The following CHCHD3 variants were observed in gnomAD, a reference collection of about 807,000 sequenced individuals.
The protein encoded by CHCHD3 is MICOS complex subunit MIC19.
CHCHD3 carries 20 observed loss-of-function variants against 38.2 expected under a neutral mutation model. The observed-to-expected ratio is 0.52, with a 90% CI of 0.37 to 0.76. CHCHD3 has a LOEUF of 0.76. CHCHD3 is among the 30% of genes least tolerant of loss of function. The pLI is 0.00. For synonymous variants in CHCHD3, 82 were observed against 100.0 expected (o/e 0.82, Z 1.07); for missense variants, 245 against 279.2 (o/e 0.88, Z 0.87).
chr7:132,940,593 T>A (rs965491509), intron 4 of CHCHD3, among the ~76,000 whole-genome samples: 1 of 152,220 alleles, frequency 6.6e-6, no homozygotes, highest in Non-Finnish European at 1.5e-5. Context: ...TGAAGCACTT[T>A]AATATAGTTT....
intron 5 of CHCHD3, among the ~76,000 whole-genome samples, chr7:132,883,810 T>C (rs948392090): frequency 6.6e-6 from 1 of 152,176 alleles, no homozygotes; most frequent in African/African-American, 2.4e-5. Flanking sequence ...TCAACATCTC[T>C]ACTTCAATGT....
intron 2 of CHCHD3, among the ~76,000 whole-genome samples, chr7:133,032,879 C>T (rs55850409): frequency 0.39 from 58,401 of 151,462 alleles, 11,376 homozygotes; most frequent in East Asian, 0.54. Context: ...TTTTTTGTTT[C>T]AAAAATGATT....
intron 4 of CHCHD3, among the ~76,000 whole-genome samples, chr7:132,956,195 T>C (rs117765359): frequency 0.011 from 1,605 of 152,338 alleles, 12 homozygotes; most frequent in South Asian, 0.066. Flanking sequence ...CCTGTTGGCC[T>C]GCCCTGAAGA....
At chr7:132,885,133 T>C (rs958523714) in intron 5 of CHCHD3, among the ~76,000 whole-genome samples, 15 of 152,254 alleles carry the variant, frequency 9.9e-5, no homozygotes, top group African/African-American at 3.6e-4. Context: ...ATGCCTGTAA[T>C]TCCAGCTACT....
chr7:132,906,756 A>G (rs1381492987), intron 4 of CHCHD3, among the ~76,000 whole-genome samples: 1 of 152,198 alleles, frequency 6.6e-6, no homozygotes, highest in African/African-American at 2.4e-5. Flanking sequence ...GCAGAAAGCT[A>G]TCTTTTGTCC....
At chr7:132,805,362 G>C (rs1395227973) in intron 6 of CHCHD3, among the ~76,000 whole-genome samples, 1 of 152,056 alleles carries the variant, frequency 6.6e-6, no homozygotes, top group Admixed American at 6.6e-5. Flanking sequence ...GAAGAGAGGA[G>C]ATGGGACTTT....
At chr7:133,044,304 A>G (rs1281403978) in intron 2 of CHCHD3, among the ~76,000 whole-genome samples, 1 of 152,254 alleles carries the variant, frequency 6.6e-6, no homozygotes, top group Non-Finnish European at 1.5e-5. Context: ...CGCTTTTAAC[A>G]GCATGCGCTC....
chr7:132,850,373 A>C (rs1808184691), intron 5 of CHCHD3, among the ~76,000 whole-genome samples: 1 of 151,294 alleles, frequency 6.6e-6, no homozygotes. Flanking sequence ...AGCTATTTAG[A>C]GCTGCTTCTG....
At chr7:132,906,515 T>G (rs1445977337) in intron 4 of CHCHD3, among the ~76,000 whole-genome samples, 3 of 152,164 alleles carry the variant, frequency 2.0e-5, no homozygotes, top group Non-Finnish European at 2.9e-5. Context: ...AGATTTATAT[T>G]TTACTACTAA....
At chr7:132,905,364 C>T (rs1809773207) in intron 4 of CHCHD3, among the ~76,000 whole-genome samples, 1 of 151,822 alleles carries the variant, frequency 6.6e-6, no homozygotes, top group African/African-American at 2.4e-5. Flanking sequence ...ACTGAAATAC[C>T]CCATGTTCTC....
intron 4 of CHCHD3, among the ~76,000 whole-genome samples, chr7:132,914,708 T>C (rs534091005): frequency 2.6e-5 from 4 of 152,300 alleles, no homozygotes; most frequent in South Asian, 2.1e-4. Context: ...GTGCCTTACA[T>C]GACAGGGGTG....
At chr7:132,867,921 T>G (rs1046028702) in intron 5 of CHCHD3, among the ~76,000 whole-genome samples, 2 of 152,154 alleles carry the variant, frequency 1.3e-5, no homozygotes, top group Non-Finnish European at 2.9e-5. Context: ...AGCAGGTATT[T>G]TTACCATATT....
At chr7:132,888,739 TA>T (rs1313570005) in intron 4 of CHCHD3, among the ~76,000 whole-genome samples, 1 of 151,992 alleles carries the variant, frequency 6.6e-6, no homozygotes, top group Non-Finnish European at 1.5e-5. Flanking sequence ...AATCAAACAG[TA>T]AGAGTCCTTG....
At chr7:132,896,029 A>G (rs968349086) in intron 4 of CHCHD3, among the ~76,000 whole-genome samples, 1 of 152,256 alleles carries the variant, frequency 6.6e-6, no homozygotes, top group African/African-American at 2.4e-5. Flanking sequence ...AGTTTTGTTC[A>G]ATAAATGTCT....
At chr7:133,066,865 C>CT (rs1159413967) in intron 2 of CHCHD3, among the ~76,000 whole-genome samples, 1 of 152,178 alleles carries the variant, frequency 6.6e-6, no homozygotes, top group African/African-American at 2.4e-5. Context: ...ACAACGGGTT[C>CT]TTTCCTTAGT....
chr7:133,052,213 C>T (rs1814189337), intron 2 of CHCHD3, among the ~76,000 whole-genome samples: 1 of 152,188 alleles, frequency 6.6e-6, no homozygotes, highest in African/African-American at 2.4e-5. Flanking sequence ...GCTAACCATT[C>T]TGCAGCTACA....
intron 4 of CHCHD3, among the ~76,000 whole-genome samples, chr7:132,969,661 C>G (rs1395801205): frequency 6.6e-6 from 1 of 152,200 alleles, no homozygotes; most frequent in Non-Finnish European, 1.5e-5. Context: ...AGTTCCTACT[C>G]CTCTTCTTTC....
chr7:133,004,538 C>T (rs1812651605), intron 3 of CHCHD3, among the ~76,000 whole-genome samples: 1 of 152,144 alleles, frequency 6.6e-6, no homozygotes, highest in South Asian at 2.1e-4. Flanking sequence ...TTAACTAATG[C>T]CATGGTAGAA....
At chr7:133,066,570 T>A (rs922590104) in intron 2 of CHCHD3, among the ~76,000 whole-genome samples, 19 of 152,026 alleles carry the variant, frequency 1.2e-4, no homozygotes, top group African/African-American at 4.6e-4. Flanking sequence ...GATGGCATTC[T>A]AAGAGCTTTC....
Sources: gnomAD v4.1 joint callset for allele counts (sites outside exome capture counted in the v4.1 genomes callset) on GRCh38, gnomAD v4.1.1 for gene constraint, MANE v1.5 for transcripts, NCBI Gene and HGNC (gene_info 2026-07-23, HGNC 2026-07-21) for gene names.